Variants in RMND5B observed in about 807,000 individuals in gnomAD.
RMND5B encodes E3 ubiquitin-protein transferase RMND5B.
In RMND5B, 42 loss-of-function variants were observed where a neutral mutation model predicts 50.4. That is an observed-to-expected ratio of 0.83 (90% confidence interval 0.65 to 1.08). The LOEUF (loss-of-function observed/expected upper bound fraction) is 1.08, where lower values mean the gene tolerates loss of function less well. RMND5B is among the 50% of genes least tolerant of loss of function. RMND5B has a pLI of 0.00. For synonymous variants in RMND5B, 220 were observed against 210.0 expected, an observed-to-expected ratio of 1.05 and a Z score of -0.41; for missense variants, 463 against 508.5, an observed-to-expected ratio of 0.91 and a Z score of 0.86.
rs1000054862 is a variant in RMND5B, at chr5:178,137,509, G to C, written c.-12-599G>C. 6.6e-6 allele frequency among the ~76,000 whole-genome samples: 1 copy of C among 151,986 alleles called. No homozygotes were observed. The highest frequency in any genetic ancestry group is 2.4e-5 in the African/African-American group (1 of 41,358). ...TTGAGACCAGCCAGGGCAACACAGA[G>C]AGACCCGTCTCTACGAAAAAAAATT... On this transcript the variant is annotated intron_variant, in intron 2 of 10. Coordinates refer to ENST00000313386, the MANE Select transcript of RMND5B (RefSeq NM_022762.5). The surrounding 1 kb of genome is among the most constrained non-coding windows in gnomAD (Gnocchi z 4.4).
At chr5:178,136,935 G>A (rs1268130438) in intron 2 of RMND5B, among the ~76,000 whole-genome samples, 1 of 152,148 alleles carries the variant, frequency 6.6e-6, no homozygotes, top group African/African-American at 2.4e-5. Context: ...GGAAGGTTGT[G>A]TTGCAGCAAG....
chr5:178,143,123 C>A, intron 5 of RMND5B, 131 bp downstream of exon 5: 1 of 1,105,418 alleles, frequency 9.0e-7, no homozygotes, highest in Non-Finnish European at 1.3e-6. Context: ...CTGCCAGAAG[C>A]AGAAGGTAGC....
rs1756226481 is a variant in RMND5B, at chr5:178,150,047, C to T, written c.*2015C>T. The T allele has an allele frequency of 2.0e-6, 1 of 493,536 alleles. No individual in the cohort carries two copies. The highest frequency in any genetic ancestry group is 3.6e-6 in the Non-Finnish European group (1 of 275,324). The allele number at this position is 493,536 out of a possible 1,614,324, so 30.6% of individuals were successfully genotyped here. A position where few individuals can be genotyped will look rare whatever the true frequency, so the allele number is the denominator to read the frequency against. On this transcript the variant is annotated 3_prime_UTR_variant, in exon 11 of 11. Transcript: ENST00000313386. Reference sequence around the variant, plus strand: ...GTCCAGCCACACAGGGCCTACATTCCCACATGGCAACTATGAAAGGGCTCC... The same window carrying T: ...GTCCAGCCACACAGGGCCTACATTCTCACATGGCAACTATGAAAGGGCTCC...
chr5:178,145,492 CAA>C (rs551952895), intron 7 of RMND5B, among the ~76,000 whole-genome samples: 5 of 78,212 alleles, frequency 6.4e-5, no homozygotes, highest in Admixed American at 3.0e-4. Context: ...GACTCTGTCT[CAA>C]AAAAAAAAAA....
intron 3 of RMND5B, among the ~76,000 whole-genome samples, chr5:178,140,469 GCCTGATCTTCACTTTGA>G (rs1192251326): frequency 1.3e-5 from 2 of 151,896 alleles, no homozygotes; most frequent in African/African-American, 4.8e-5. Flanking sequence ...GCTGCACCTG[GCCTGATCTTCACTTTGA>G]TCACTTAGTT....
In RMND5B at chr5:178,149,668, C is replaced by T; in HGVS notation, c.*1636C>T. The T allele has an allele frequency of 6.2e-7, 1 of 1,611,386 alleles. No individual in the cohort carries two copies. The highest frequency in any genetic ancestry group is 8.5e-7 in the Non-Finnish European group (1 of 1,179,356). Reference sequence around the variant, plus strand: ...GGACAGCCAGTCGTCCTGCTGCCAGCCCAATAGCTTCCAGCGGCAGGTGCC... The same window carrying T: ...GGACAGCCAGTCGTCCTGCTGCCAGTCCAATAGCTTCCAGCGGCAGGTGCC... On this transcript the variant is annotated 3_prime_UTR_variant, in exon 11 of 11. Coordinates refer to ENST00000313386, the MANE Select transcript of RMND5B (RefSeq NM_022762.5).
chr5:178,148,062 G>A lies in RMND5B; in HGVS notation c.*30G>A. 6.2e-7 allele frequency: 1 copy of A among 1,607,448 alleles called. No homozygotes were observed. Among genetic ancestry groups the A allele is most frequent in the Admixed American group, 1.7e-5 (1 of 59,984 alleles). On this transcript the variant is annotated 3_prime_UTR_variant, in exon 11 of 11. Transcript: ENST00000313386. ...TACCTGGAAGGAATTTTGTTGAAAG[G>A]GGTTTTCACCTGTGAGCCTTGGTCT...
At chr5:178,144,364 C>T (rs1755864391) in intron 7 of RMND5B, among the ~76,000 whole-genome samples, 1 of 152,066 alleles carries the variant, frequency 6.6e-6, no homozygotes, top group African/African-American at 2.4e-5. Context: ...TGCGCCACAC[C>T]ACACTCATTT....
chr5:178,146,615 C>G (rs533360309), intron 8 of RMND5B: 1 of 258,294 alleles, frequency 3.9e-6, no homozygotes, highest in Non-Finnish European at 7.6e-6. Context: ...CCGCCTTCCT[C>G]ATGACCTAAT....
chr5:178,132,738 T>TC (rs1482507803), intron 2 of RMND5B, among the ~76,000 whole-genome samples: 19 of 93,276 alleles, frequency 2.0e-4, no homozygotes, highest in African/African-American at 5.1e-4. Context: ...TGTCTCTCTC[T>TC]TTTTTTTTTT....
At chr5:178,132,641 G>C (rs1372847095) in intron 2 of RMND5B, among the ~76,000 whole-genome samples, 1 of 151,760 alleles carries the variant, frequency 6.6e-6, no homozygotes, top group Non-Finnish European at 1.5e-5. Context: ...GGCTGAGGTG[G>C]GAGGATCACT....
intron 2 of RMND5B, among the ~76,000 whole-genome samples, chr5:178,136,823 A>G (rs1223832424): frequency 6.6e-6 from 1 of 152,142 alleles, no homozygotes; most frequent in African/African-American, 2.4e-5. Flanking sequence ...AATGGAAAGG[A>G]GCAGTGGCCC....
intron 7 of RMND5B, 124 bp downstream of exon 7, chr5:178,144,232 C>G: frequency 1.0e-6 from 1 of 989,090 alleles, no homozygotes; most frequent in Non-Finnish European, 1.5e-6. Flanking sequence ...TGCCTCTCCC[C>G]AACTAGAAAC....
rs61751560 is a variant in RMND5B at position 178,142,968 on chromosome 5, C to A, written c.402C>A (p.Leu134=). The change falls in exon 5 of 11, where the codon CTC becomes CTA. Residue 134 remains leucine (L), a synonymous_variant. Coordinates refer to ENST00000313386, the MANE Select transcript of RMND5B (RefSeq NM_022762.5). ...AACACCTGTATCAGCAGGGCATGCT[C>A]AGCGTGGCCGAGGAGCTGTGCCAGG... ...IVEHLYQQGM[L]SVAEELCQES... 1.7e-5 allele frequency: 28 copies of A among 1,613,912 alleles called. No homozygotes were observed. Among genetic ancestry groups the A allele is most frequent in the Non-Finnish European group, 2.3e-5 (27 of 1,179,868 alleles).
chr5:178,133,282 A>C (rs1446915465), intron 2 of RMND5B, among the ~76,000 whole-genome samples: 1 of 152,164 alleles, frequency 6.6e-6, no homozygotes, highest in Non-Finnish European at 1.5e-5. Context: ...ACCTCCATAC[A>C]TGCCTTTGTG....
rs187215209 is a variant in RMND5B at position 178,133,104 on chromosome 5, C to T, written c.-13+1728C>T. 4.6e-3 allele frequency among the ~76,000 whole-genome samples: 692 copies of T among 152,038 alleles called. 2 individuals are homozygous for T. The highest frequency in any genetic ancestry group is 0.016 in the African/African-American group (656 of 41,442). On this transcript the variant is annotated intron_variant, in intron 2 of 10. Coordinates refer to ENST00000313386, the MANE Select transcript of RMND5B (RefSeq NM_022762.5). ...GGTCTCAAACTCCTGACCTTGTGAT[C>T]CGCCTGCCTCGGCCTCCCAAAGTGC...
intron 2 of RMND5B, among the ~76,000 whole-genome samples, chr5:178,133,873 G>A (rs935215661): frequency 2.6e-5 from 4 of 152,096 alleles, no homozygotes; most frequent in South Asian, 2.1e-4. Context: ...CACCACACCC[G>A]GCTAATTTTT....
In RMND5B at chr5:178,149,840, T is replaced by C. The variant is rs149168003; in HGVS notation, c.*1808T>C. On this transcript the variant is annotated 3_prime_UTR_variant, in exon 11 of 11. Coordinates refer to ENST00000313386, the MANE Select transcript of RMND5B (RefSeq NM_022762.5). ...GGAGCCTGCGGCTGCACCCAGGTCC[T>C]ACAGAGGGGAAAGAAGTGCTGTTTG... 5.6e-6 allele frequency: 9 copies of C among 1,613,334 alleles called. No individual in the cohort carries two copies. Among genetic ancestry groups the C allele is most frequent in the Non-Finnish European group, 6.8e-6 (8 of 1,179,640 alleles).
At chr5:178,131,843 G>A (rs1457928186) in intron 2 of RMND5B, among the ~76,000 whole-genome samples, 1 of 152,180 alleles carries the variant, frequency 6.6e-6, no homozygotes, top group Admixed American at 6.5e-5. Flanking sequence ...CTAAAGTATG[G>A]TAAGAAAGGG....
Sources: gnomAD v4.1 joint callset for allele counts (sites outside exome capture counted in the v4.1 genomes callset) on GRCh38, gnomAD v4.1.1 for gene constraint, Gnocchi (gnomAD v3.1) non-coding constraint, MANE v1.5 for transcripts, NCBI Gene and HGNC (gene_info 2026-07-23, HGNC 2026-07-21) for gene names.